Variants in DNAH14 observed in about 807,000 individuals in gnomAD.
DNAH14 encodes axonemal beta dynein heavy chain 14.
In DNAH14, 478 loss-of-function variants were observed where a neutral mutation model predicts 520.9. The ratio of observed to expected loss-of-function variants is 0.92; its 90% CI spans 0.85 to 0.99. DNAH14 has a LOEUF of 0.99. DNAH14 is among the 50% of genes least tolerant of loss of function. DNAH14 has a pLI of 0.00. For synonymous variants in DNAH14, 1,581 were observed against 1,757.2 expected, an observed-to-expected ratio of 0.90 and a Z score of 2.51; for missense variants, 4,831 against 5,234.5, an observed-to-expected ratio of 0.92 and a Z score of 2.38.
rs192569304 is a variant in DNAH14 at position 225,080,894 on chromosome 1, G to T, written c.3136+146G>T. 7.4e-6 allele frequency: 6 copies of T among 806,898 alleles called. No individual in the cohort carries two copies. The East Asian group carries it at 1.5e-4, about 20-fold the overall frequency. 50.0% of individuals were successfully genotyped at this position (806,898 alleles called of 1,614,324 possible). A position where few individuals can be genotyped will look rare whatever the true frequency, so the allele number is the denominator to read the frequency against. On this transcript the variant is annotated intron_variant, in intron 19 of 85. Coordinates refer to ENST00000682510, the MANE Select transcript of DNAH14 (RefSeq NM_001367479.1). ...AGCTACAATACAGGAGTATAGGTAG[G>T]AATTTCACTCAGGCAAAAAAGAGAT...
intron 10 of DNAH14, among the ~76,000 whole-genome samples, chr1:225,009,390 G>T (rs1319604963): frequency 6.6e-6 from 1 of 152,062 alleles, no homozygotes; most frequent in Non-Finnish European, 1.5e-5. Flanking sequence ...GTTTTTGTCA[G>T]GTTTTTCAAA....
Position 224,964,575 on chromosome 1 carries a change from G to A in DNAH14, c.464G>A (p.Ser155Asn), listed in dbSNP as rs1199014766. The A allele has an allele frequency of 2.5e-6, 4 of 1,602,970 alleles. No individual in the cohort carries two copies. Among genetic ancestry groups the A allele is most frequent in the African/African-American group, 2.7e-5 (2 of 74,738 alleles). The change falls in exon 5 of 86, where the codon AGC becomes AAC. Residue 155 changes from serine (S) to asparagine (N), a missense_variant. By Grantham distance (46) the Ser-to-Asn change is conservative. Coordinates refer to ENST00000682510, the MANE Select transcript of DNAH14 (RefSeq NM_001367479.1). ...CCGCAGCACAGTTTGAAATACGGAA[G>A]CTCCAAAATTGCAATTCAGAAGATT... ...ILPQHSLKYGSSKIAIQKITL... is the reference protein window; with the variant it reads ...ILPQHSLKYGNSKIAIQKITL...
intron 84 of DNAH14, among the ~76,000 whole-genome samples, chr1:225,395,466 C>A (rs1009941683): frequency 6.6e-6 from 1 of 151,774 alleles, no homozygotes; most frequent in African/African-American, 2.4e-5. Flanking sequence ...GTGGCGGGCG[C>A]CTGTAGTCCC....
chr1:225,127,890 T>G lies in DNAH14; in HGVS notation c.4254+4276T>G, dbSNP rs60777341. On this transcript the variant is annotated intron_variant, in intron 27 of 85. Coordinates refer to ENST00000682510, the MANE Select transcript of DNAH14 (RefSeq NM_001367479.1). ...TTTAGTGCTTCCTTCAGGAGCTCTTTTAGGGCAGGCCTGGTGGTGACAAAA... is the reference window on the plus strand; with the variant it reads ...TTTAGTGCTTCCTTCAGGAGCTCTTGTAGGGCAGGCCTGGTGGTGACAAAA... 4.8e-3 allele frequency among the ~76,000 whole-genome samples: 727 copies of G among 152,294 alleles called. 4 individuals carry two copies. Among genetic ancestry groups the G allele is most frequent in the African/African-American group, 0.016 (678 of 41,584 alleles).
Position 225,140,953 on chromosome 1 carries a change from C to T in DNAH14, c.4440C>T (p.His1480=). ...GGGCATTGCTTATCCTTTATGTTCACTGCAGAGATATAGTGATAAATTTAC... is the reference window on the plus strand; with the variant it reads ...GGGCATTGCTTATCCTTTATGTTCATTGCAGAGATATAGTGATAAATTTAC... ...ILGALLILYV[H]CRDIVINLLL... is the part of the protein sequence containing the mutation. The change falls in exon 28 of 86, where the codon CAC becomes CAT. Residue 1480 remains histidine (H), a synonymous_variant. Coordinates refer to ENST00000682510, the MANE Select transcript of DNAH14 (RefSeq NM_001367479.1). 1 of 1,551,358 alleles carries T rather than the reference C, an allele frequency of 6.4e-7. No homozygotes were observed. Among genetic ancestry groups the T allele is most frequent in the Non-Finnish European group, 8.7e-7 (1 of 1,146,850 alleles).
chr1:225,247,520 G>A (rs1441526292), intron 43 of DNAH14, among the ~76,000 whole-genome samples: 1 of 152,124 alleles, frequency 6.6e-6, no homozygotes, highest in Non-Finnish European at 1.5e-5. Context: ...TGAGCGAGAG[G>A]ATCTGCCAAG....
At chr1:225,107,714 C>G (rs1331707048) in intron 23 of DNAH14, among the ~76,000 whole-genome samples, 1 of 152,142 alleles carries the variant, frequency 6.6e-6, no homozygotes, top group Non-Finnish European at 1.5e-5. Flanking sequence ...TGAGGAACTT[C>G]CAAACTGTTC....
chr1:225,045,344 C>G (rs1417253791), intron 15 of DNAH14, among the ~76,000 whole-genome samples: 3 of 151,482 alleles, frequency 2.0e-5, no homozygotes, highest in African/African-American at 7.3e-5. Context: ...TTTCTGTATA[C>G]TCTTTATATG....
chr1:225,337,195 A>T, intron 66 of DNAH14, 71 bp from the exon 67 acceptor site: 2 of 1,222,874 alleles, frequency 1.6e-6, no homozygotes, highest in Non-Finnish European at 2.3e-6. Context: ...AGGATCTTTT[A>T]GTACCCTGTA....
intron 34 of DNAH14, among the ~76,000 whole-genome samples, chr1:225,154,151 T>A (rs889236043): frequency 3.3e-5 from 5 of 152,034 alleles, no homozygotes; most frequent in African/African-American, 1.2e-4. Context: ...ATGTGACAGA[T>A]GTGTAAAACT....
At position 225,227,685 on chromosome 1, in the gene DNAH14, G is replaced by A. The variant is rs149076325; in HGVS notation, c.6440-3388G>A. Among the ~76,000 whole-genome samples, 40 of 152,190 alleles carry A rather than the reference G, an allele frequency of 2.6e-4. 1 individual carries two copies. In the East Asian group the frequency reaches 6.2e-3, roughly 24 times the overall value. ...ATTCCCCTGTGATTTGGGCCAATGG[G>A]GAGAGGAGATATCCCAGACCCCAAG... is the stretch of plus-strand genomic sequence containing the variant. On this transcript the variant is annotated intron_variant, in intron 41 of 85. Transcript: ENST00000682510.
intron 37 of DNAH14, among the ~76,000 whole-genome samples, chr1:225,189,610 G>T (rs1003265217): frequency 7.3e-5 from 11 of 151,398 alleles, no homozygotes; most frequent in African/African-American, 2.4e-4. Context: ...GTGTTTTTAG[G>T]AACTTGTCCA....
chr1:225,340,653 C>G lies in DNAH14; in HGVS notation c.10630C>G (p.Leu3544Val). Residue 3544 changes from leucine to valine, a missense_variant, in exon 69 of 86, where the codon CTT (leucine) becomes GTT (valine). Coordinates refer to ENST00000682510, the MANE Select transcript of DNAH14 (RefSeq NM_001367479.1). Reference protein sequence around the residue: ...LESISLDAITLEELEEKTLNL... With the variant: ...LESISLDAITVEELEEKTLNL... Reference sequence around the variant, plus strand: ...GAGTATTTCCCTTGATGCCATAACTCTTGAAGAACTAGAGGAAAAAACATT... The same window carrying G: ...GAGTATTTCCCTTGATGCCATAACTGTTGAAGAACTAGAGGAAAAAACATT... 6.4e-7 allele frequency: 1 copy of G among 1,551,298 alleles called. No homozygotes were observed. Among genetic ancestry groups the G allele is most frequent in the Non-Finnish European group, 8.7e-7 (1 of 1,146,836 alleles).
At chr1:225,288,557 T>C (rs1294056259) in intron 54 of DNAH14, among the ~76,000 whole-genome samples, 3 of 152,236 alleles carry the variant, frequency 2.0e-5, no homozygotes. Flanking sequence ...ATAGGGGAAA[T>C]TGGATGTGGA....
At chr1:224,938,883 A>G (rs892969236) in intron 1 of DNAH14, among the ~76,000 whole-genome samples, 1 of 152,198 alleles carries the variant, frequency 6.6e-6, no homozygotes, top group South Asian at 2.1e-4. Context: ...GTTTACGGCA[A>G]TGTGAATGGA....
At chr1:225,081,025 T>G (rs919381643) in intron 19 of DNAH14, among the ~76,000 whole-genome samples, 2 of 152,240 alleles carry the variant, frequency 1.3e-5, no homozygotes, top group Non-Finnish European at 1.5e-5. Context: ...AGTATGGCCC[T>G]TCTTAGGGCA....
chr1:225,101,773 G>A (rs2075484823), intron 23 of DNAH14, among the ~76,000 whole-genome samples: 1 of 151,906 alleles, frequency 6.6e-6, no homozygotes, highest in African/African-American at 2.4e-5. Flanking sequence ...ACAGACACTT[G>A]GGTTGCTTCC....
chr1:225,108,899 A>T (rs1002444035), intron 23 of DNAH14, among the ~76,000 whole-genome samples: 6 of 152,200 alleles, frequency 3.9e-5, no homozygotes, highest in Admixed American at 2.0e-4. Context: ...GTATATGGCG[A>T]AAGATAGGAG....
At chr1:224,998,492 T>G (rs1217314995) in intron 8 of DNAH14, among the ~76,000 whole-genome samples, 1 of 152,204 alleles carries the variant, frequency 6.6e-6, no homozygotes, top group Admixed American at 6.5e-5. Context: ...ACTGAATTTT[T>G]AATTTTCCTC....
Sources: allele counts gnomAD v4.1 joint callset (sites outside exome capture counted in the v4.1 genomes callset), GRCh38; gene constraint gnomAD v4.1.1; transcripts MANE v1.5; gene names NCBI Gene and HGNC (gene_info 2026-07-23, HGNC 2026-07-21).